The following GTF2IRD1 variants were observed in gnomAD, a reference collection of about 807,000 sequenced individuals.
The protein encoded by GTF2IRD1 is general transcription factor II-I repeat domain-containing protein 1.
GTF2IRD1 carries 26 observed loss-of-function variants against 113.2 expected under a neutral mutation model. The observed-to-expected ratio is 0.23, with a 90% CI of 0.17 to 0.32. GTF2IRD1 has a LOEUF of 0.32. Among genes scored for constraint, GTF2IRD1 ranks in the 10% least tolerant of loss-of-function variants. GTF2IRD1 has a pLI of 1.00. For synonymous variants in GTF2IRD1, 484 were observed against 529.1 expected, an observed-to-expected ratio of 0.91 and a Z score of 1.17; for missense variants, 864 against 1,280.8, an observed-to-expected ratio of 0.67 and a Z score of 4.97.
At chr7:74,467,718 G>A (rs1170939921) in intron 1 of GTF2IRD1, among the ~76,000 whole-genome samples, 1 of 151,808 alleles carries the variant, frequency 6.6e-6, no homozygotes, top group Non-Finnish European at 1.5e-5. Context: ...TTTTGAGTCA[G>A]AATCTCGCTC....
intron 2 of GTF2IRD1, among the ~76,000 whole-genome samples, chr7:74,510,777 A>G (rs1796583576): frequency 6.6e-6 from 1 of 152,082 alleles, no homozygotes; most frequent in Non-Finnish European, 1.5e-5. Flanking sequence ...GGCCAGGCGC[A>G]ATGGCTCACG....
intron 22 of GTF2IRD1, among the ~76,000 whole-genome samples, chr7:74,563,877 C>T (rs1186122668): frequency 2.0e-5 from 3 of 151,838 alleles, no homozygotes; most frequent in South Asian, 2.1e-4. Context: ...CAGAGCATGA[C>T]GCCATCTGGA....
intron 1 of GTF2IRD1, among the ~76,000 whole-genome samples, chr7:74,484,250 G>T (rs1164112941): frequency 3.3e-5 from 5 of 152,112 alleles, no homozygotes; most frequent in Non-Finnish European, 4.4e-5. Flanking sequence ...TGGAGAGATG[G>T]TATATGCATC....
intron 1 of GTF2IRD1, among the ~76,000 whole-genome samples, chr7:74,483,244 T>C (rs1474170091): frequency 6.6e-6 from 1 of 152,166 alleles, no homozygotes; most frequent in Non-Finnish European, 1.5e-5. Flanking sequence ...AAGTTTGCTC[T>C]TAAGATCTTA....
intron 1 of GTF2IRD1, among the ~76,000 whole-genome samples, chr7:74,455,991 G>A (rs1668195777): frequency 6.6e-6 from 1 of 152,198 alleles, no homozygotes; most frequent in African/African-American, 2.4e-5. Context: ...TACTTAAAAG[G>A]ACTGTTCTCT....
At chr7:74,483,523 G>A (rs2117138852) in intron 1 of GTF2IRD1, among the ~76,000 whole-genome samples, 1 of 152,202 alleles carries the variant, frequency 6.6e-6, no homozygotes, top group East Asian at 1.9e-4. Flanking sequence ...TCCAGGCTGG[G>A]TGGCAGAACA....
At chr7:74,510,794 A>G (rs1465125194) in intron 2 of GTF2IRD1, among the ~76,000 whole-genome samples, 1 of 151,772 alleles carries the variant, frequency 6.6e-6, no homozygotes, top group Admixed American at 6.6e-5. Flanking sequence ...CACGCATATA[A>G]TCCCAGCACC....
At chr7:74,533,711 G>A (rs1260240731) in intron 9 of GTF2IRD1, among the ~76,000 whole-genome samples, 1 of 151,932 alleles carries the variant, frequency 6.6e-6, no homozygotes, top group Non-Finnish European at 1.5e-5. Context: ...TCACTGCTTG[G>A]GCCCCCTTGA....
intron 1 of GTF2IRD1, among the ~76,000 whole-genome samples, chr7:74,479,552 C>T (rs1427371344): frequency 2.0e-5 from 3 of 152,110 alleles, no homozygotes; most frequent in Non-Finnish European, 4.4e-5. Flanking sequence ...AAGAGCAGGG[C>T]CTGGGCACAG....
At chr7:74,571,437 G>A (rs1170996740) in intron 22 of GTF2IRD1, among the ~76,000 whole-genome samples, 1 of 152,222 alleles carries the variant, frequency 6.6e-6, no homozygotes, top group Non-Finnish European at 1.5e-5. Flanking sequence ...CGTCCCCATA[G>A]CGGAGGAACC....
At chr7:74,518,069 G>A (rs1797056376) in intron 4 of GTF2IRD1, 70 bp from the exon 5 acceptor site, 2 of 1,172,216 alleles carry the variant, frequency 1.7e-6, no homozygotes, top group South Asian at 1.8e-5. Context: ...CCACTCTGGG[G>A]CACAGCAGCC....
intron 1 of GTF2IRD1, among the ~76,000 whole-genome samples, chr7:74,474,082 CAA>C (rs1794265231): frequency 1.0e-4 from 3 of 29,036 alleles, no homozygotes; most frequent in Non-Finnish European, 2.2e-4. Context: ...AAAAAAAAAA[CAA>C]ACAAAAAAAT....
chr7:74,500,289 A>G (rs1273876432), intron 1 of GTF2IRD1, among the ~76,000 whole-genome samples: 5 of 152,090 alleles, frequency 3.3e-5, no homozygotes, highest in Admixed American at 2.6e-4. Flanking sequence ...TTTTCTGAAA[A>G]TTTGGTAGGC....
intron 22 of GTF2IRD1, among the ~76,000 whole-genome samples, chr7:74,576,617 CTTTTTTTTTTTT>C (rs1165378230): frequency 0.05 from 2,445 of 49,268 alleles, 41 homozygotes; most frequent in Middle Eastern, 0.087. Flanking sequence ...ATTTCCTTGT[CTTTTTTTTTTTT>C]TTTTTTTTTT....
At chr7:74,497,965 A>G (rs575744677) in intron 1 of GTF2IRD1, among the ~76,000 whole-genome samples, 1 of 152,254 alleles carries the variant, frequency 6.6e-6, no homozygotes, top group East Asian at 1.9e-4. Flanking sequence ...TGGCCTCCCA[A>G]AGTGCTGGGA....
intron 25 of GTF2IRD1, among the ~76,000 whole-genome samples, chr7:74,600,542 C>G (rs1370547840): frequency 1.3e-5 from 2 of 152,102 alleles, no homozygotes; most frequent in Admixed American, 1.3e-4. Flanking sequence ...AACCCCATCT[C>G]TACTCAAAAT....
chr7:74,455,935 G>C (rs1439270985), intron 1 of GTF2IRD1, among the ~76,000 whole-genome samples: 1 of 152,234 alleles, frequency 6.6e-6, no homozygotes, highest in Admixed American at 6.5e-5. Context: ...GCCGATGGTT[G>C]TAAAACTGGG....
intron 22 of GTF2IRD1, among the ~76,000 whole-genome samples, chr7:74,565,741 A>G (rs1015215017): frequency 6.6e-6 from 1 of 152,048 alleles, no homozygotes; most frequent in Non-Finnish European, 1.5e-5. Flanking sequence ...AGGCCAGTGC[A>G]GGAGGATTGC....
At chr7:74,523,871 T>G (rs2130345467) in intron 7 of GTF2IRD1, among the ~76,000 whole-genome samples, 200 bp from the exon 8 acceptor site, 1 of 152,150 alleles carries the variant, frequency 6.6e-6, no homozygotes, top group South Asian at 2.1e-4. Flanking sequence ...GAGACAAATG[T>G]TAGGGCAGGA....
Sources: allele counts gnomAD v4.1 joint callset (sites outside exome capture counted in the v4.1 genomes callset), GRCh38; gene constraint gnomAD v4.1.1; transcripts MANE v1.5; gene names NCBI Gene and HGNC (gene_info 2026-07-23, HGNC 2026-07-21).